The following TRPC4AP variants were observed in gnomAD, a reference collection of about 807,000 sequenced individuals.
The protein encoded by TRPC4AP is transient receptor potential cation channel subfamily C member 4 associated protein.
In TRPC4AP, 45 loss-of-function variants were observed where a neutral mutation model predicts 99.0. The ratio of observed to expected loss-of-function variants is 0.45; its 90% confidence interval spans 0.36 to 0.58. The LOEUF (loss-of-function observed/expected upper bound fraction) is 0.58, where lower values mean the gene tolerates loss of function less well. Among genes scored for constraint, TRPC4AP ranks in the 20% least tolerant of loss-of-function variants. The pLI is 0.00. For missense variants in TRPC4AP, 879 were observed against 985.3 expected (o/e 0.89, Z 1.44); for synonymous variants, 408 against 385.8 (o/e 1.06, Z -0.67).
At chr20:35,053,929 CG>C (rs1251576038) in intron 5 of TRPC4AP, among the ~76,000 whole-genome samples, 2 of 152,174 alleles carry the variant, frequency 1.3e-5, no homozygotes, top group African/African-American at 2.4e-5. Flanking sequence ...TGCTGAATTA[CG>C]TAAGTGTTCA....
At chr20:35,079,517 G>C (rs1461873800) in intron 1 of TRPC4AP, among the ~76,000 whole-genome samples, 1 of 151,046 alleles carries the variant, frequency 6.6e-6, no homozygotes, top group African/African-American at 2.4e-5. Flanking sequence ...GCAAACAGAA[G>C]AAAAAAATAA....
In TRPC4AP at chr20:35,007,659, C is replaced by T. The variant is rs775741648; in HGVS notation, c.1596-19G>A. The T allele has an allele frequency of 6.2e-7, 1 of 1,614,002 alleles. No homozygotes were observed. The highest frequency in any genetic ancestry group is 8.5e-7 in the Non-Finnish European group (1 of 1,179,850). On this transcript the variant is annotated intron_variant, in intron 13 of 18. Transcript: ENST00000252015. ...CCAAAACCTGCGACCCAAATACTGG[C>T]TCAGGTGGCTAAGGCTGCCCTCTTC...
chr20:35,050,712 CA>C (rs77989763), intron 5 of TRPC4AP, among the ~76,000 whole-genome samples: 62 of 139,516 alleles, frequency 4.4e-4, no homozygotes, highest in Admixed American at 4.9e-4. Context: ...GACCCTAACT[CA>C]AAAAAAAAAA....
chr20:35,012,319 T>C lies in TRPC4AP; in HGVS notation c.1409+689A>G, dbSNP rs545370783. Among the ~76,000 whole-genome samples, 4 of 152,356 alleles carry C rather than the reference T, an allele frequency of 2.6e-5. No homozygotes were observed. In the East Asian group the frequency reaches 7.7e-4, roughly 29 times the overall value. On this transcript the variant is annotated intron_variant, in intron 11 of 18. Transcript: ENST00000252015. Reference sequence around the variant, plus strand: ...AAATCAGGACCTTTCACATAAATCTTAATTTCTGCCTTTGCTTGGCAGAAA... The same window carrying C: ...AAATCAGGACCTTTCACATAAATCTCAATTTCTGCCTTTGCTTGGCAGAAA...
At chr20:35,060,587 A>G (rs1407197779) in intron 3 of TRPC4AP, among the ~76,000 whole-genome samples, 3,339 of 34,628 alleles carry the variant, frequency 0.096, 50 homozygotes, top group African/African-American at 0.26. Flanking sequence ...CTTGTCTCCA[A>G]AAAAAAAAAA....
In TRPC4AP at chr20:35,044,653, C is replaced by T. The variant is rs1236149159; in HGVS notation, c.717G>A (p.Gln239=). 6 of 1,614,038 alleles carry T rather than the reference C, an allele frequency of 3.7e-6. No individual in the cohort carries two copies. In the African/African-American group the frequency reaches 6.7e-5, roughly 18 times the overall value. Residue 239 remains glutamine, a synonymous_variant, in exon 7 of 19, where the codon CAG becomes CAA. Transcript: ENST00000252015. ...NLSSLVSNFD[Q]QQLANFCRIL... is the part of the protein sequence containing the mutation. The stretch of plus-strand genomic sequence containing the variant: ...TCCGGCAGAAATTAGCGAGCTGCTG[C>T]TGATCGAAATTGGATACTAAGGAAC...
intron 8 of TRPC4AP, among the ~76,000 whole-genome samples, chr20:35,031,463 T>C (rs1490168978): frequency 7.0e-6 from 1 of 143,708 alleles, no homozygotes; most frequent in Non-Finnish European, 1.5e-5. Context: ...CTTGAACTCC[T>C]GAGCTCAAGC....
intron 15 of TRPC4AP, among the ~76,000 whole-genome samples, chr20:35,006,025 T>C (rs1384347467): frequency 1.3e-5 from 2 of 152,170 alleles, no homozygotes; most frequent in African/African-American, 4.8e-5. Context: ...TCTCCAGTGG[T>C]TTTACGCTCA....
chr20:35,090,377 C>CTTTTTTTTTTTTTT lies in TRPC4AP; in HGVS notation c.168+2223_168+2236dup, dbSNP rs71196792. 6.7e-5 allele frequency among the ~76,000 whole-genome samples: 6 copies of CTTTTTTTTTTTTTT among 88,990 alleles called. 1 individual carries two copies. The highest frequency in any genetic ancestry group is 6.0e-5 in the Non-Finnish European group (3 of 50,192). 58.4% of individuals were successfully genotyped at this position (88,990 alleles called of 152,430 possible). The stretch of plus-strand genomic sequence containing the variant: ...TTCCAGCAGCCTTGTATCTGGTGAG[C>CTTTTTTTTTTTTTT]TTTTTTTTTTTTTTTTTGAGATGAA... On this transcript the variant is annotated intron_variant, in intron 1 of 18. Transcript: ENST00000252015.
At chr20:35,089,777 CG>C (rs1343985862) in intron 1 of TRPC4AP, among the ~76,000 whole-genome samples, 1 of 151,890 alleles carries the variant, frequency 6.6e-6, no homozygotes, top group Non-Finnish European at 1.5e-5. Context: ...ATCCGGGAGA[CG>C]GAGGATGCAG....
chr20:35,021,560 T>C (rs982472760), intron 8 of TRPC4AP, among the ~76,000 whole-genome samples: 1 of 152,182 alleles, frequency 6.6e-6, no homozygotes, highest in South Asian at 2.1e-4. Context: ...GACTCTGCAA[T>C]AGTTGTGCCT....
chr20:35,004,622 G>A (rs1353480299), intron 16 of TRPC4AP, 52 bp from the exon 17 acceptor site: 2 of 1,534,688 alleles, frequency 1.3e-6, no homozygotes, highest in Non-Finnish European at 1.8e-6. Context: ...CAGTGGCTGG[G>A]TCGCCCAGGC....
intron 1 of TRPC4AP, among the ~76,000 whole-genome samples, chr20:35,080,337 C>CAA (rs776620007): frequency 3.9e-5 from 5 of 126,694 alleles, no homozygotes; most frequent in Non-Finnish European, 6.9e-5. Flanking sequence ...CCCACCTCTA[C>CAA]AAAAAAAAAA....
intron 8 of TRPC4AP, among the ~76,000 whole-genome samples, chr20:35,029,628 CTTTTTTTTTTTTTT>C (rs35372826): frequency 2.3e-4 from 9 of 39,390 alleles, no homozygotes; most frequent in African/African-American, 4.6e-4. Context: ...AAGTTACTTT[CTTTTTTTTTTTTTT>C]TTTTTTTTTT....
intron 8 of TRPC4AP, 48 bp downstream of exon 8, chr20:35,035,075 C>T (rs372674769): frequency 7.9e-5 from 122 of 1,552,440 alleles, no homozygotes; most frequent in Non-Finnish European, 7.7e-5. Context: ...TGGTCCCAGG[C>T]GCCCAAGGAA....
chr20:35,014,165 G>A (rs1428263197), intron 10 of TRPC4AP, among the ~76,000 whole-genome samples: 11 of 152,180 alleles, frequency 7.2e-5, no homozygotes, highest in Non-Finnish European at 1.5e-4. Context: ...GTTTCTATAG[G>A]TGGATGAAAA....
At position 35,010,208 on chromosome 20, in the gene TRPC4AP, T is replaced by C; in HGVS notation, c.1490A>G (p.Glu497Gly). 1 of 1,614,152 alleles carries C rather than the reference T, an allele frequency of 6.2e-7. No homozygotes were observed. The highest frequency in any genetic ancestry group is 8.5e-7 in the Non-Finnish European group (1 of 1,180,022). The change falls in exon 12 of 19, where the codon GAA (glutamate) becomes GGA (glycine). Residue 497 changes from glutamate to glycine, a missense_variant. Physicochemically the swap from Glu to Gly is moderately conservative, Grantham distance 98. Transcript: ENST00000252015. ...ISLKANIPEV[E>G]AVLNTDRSLV... ...TCACCTGTCGGTGTTGAGGACAGCT[T>C]CCACCTCAGGGATGTTGGCCTTGAG...
At chr20:35,060,987 G>C (rs2083991813) in intron 3 of TRPC4AP, among the ~76,000 whole-genome samples, 1 of 151,994 alleles carries the variant, frequency 6.6e-6, no homozygotes, top group African/African-American at 2.4e-5. Flanking sequence ...GTGTTCTAAG[G>C]CAACTAGAGA....
At chr20:35,008,100 C>A (rs1430865551) in intron 13 of TRPC4AP, among the ~76,000 whole-genome samples, 1 of 152,132 alleles carries the variant, frequency 6.6e-6, no homozygotes, top group East Asian at 1.9e-4. Context: ...GAGGGCACAG[C>A]GGGTATCCAC....
Sources: gnomAD v4.1 joint callset for allele counts (sites outside exome capture counted in the v4.1 genomes callset) on GRCh38, gnomAD v4.1.1 for gene constraint, MANE v1.5 for transcripts, NCBI Gene and HGNC (gene_info 2026-07-23, HGNC 2026-07-21) for gene names.